PUS7: variants seen among roughly 807,000 people sequenced by gnomAD.
The protein encoded by PUS7 is pseudouridine synthase 7, also known as pseudouridylate synthase 7 homolog.
Under a neutral mutation model 79.8 loss-of-function variants are expected in PUS7, and 48 were observed. That is an observed-to-expected ratio of 0.60 (90% CI 0.48 to 0.76). The LOEUF is 0.76. PUS7 is among the 30% of genes least tolerant of loss of function. The pLI is 0.00. For synonymous variants in PUS7, 286 were observed against 272.2 expected (o/e 1.05, Z -0.50); for missense variants, 729 against 797.6 (o/e 0.91, Z 1.04).
In PUS7 at chr7:105,508,625, C is replaced by G. The variant is rs1429920039; in HGVS notation, c.-32-81G>C. 7.3e-6 allele frequency: 11 copies of G among 1,499,166 alleles called. No individual in the cohort carries two copies. In the Admixed American group the frequency reaches 2.5e-4, roughly 35 times the overall value. The allele number at this position is 1,499,166 out of a possible 1,614,324, so 92.9% of individuals were successfully genotyped here. On this transcript the variant is annotated intron_variant, in intron 1 of 15. Coordinates refer to ENST00000469408, the MANE Select transcript of PUS7 (RefSeq NM_019042.5). ...GGGCGCGGTGGCTCACACCTGTAAT[C>G]CCAGCGTTTTGAGGGAGGTTAAGGC... is the stretch of plus-strand genomic sequence containing the variant.
intron 6 of PUS7, among the ~76,000 whole-genome samples, chr7:105,492,713 T>C (rs1824844902): frequency 6.6e-5 from 10 of 151,616 alleles, no homozygotes; most frequent in Admixed American, 6.6e-4. Context: ...CACCGTTTTT[T>C]AGCCGGGATG....
At chr7:105,510,797 G>A (rs1464051931) in intron 1 of PUS7, among the ~76,000 whole-genome samples, 2 of 152,116 alleles carry the variant, frequency 1.3e-5, no homozygotes, top group Admixed American at 1.3e-4. Context: ...TTTCAGGCAT[G>A]AGCCACCGTG....
intron 9 of PUS7, among the ~76,000 whole-genome samples, chr7:105,474,630 A>AT (rs1160927100): frequency 6.8e-6 from 1 of 145,986 alleles, no homozygotes; most frequent in African/African-American, 2.5e-5. Context: ...AAAAAAAAAA[A>AT]AATAATCGGG....
At position 105,482,552 on chromosome 7, in the gene PUS7, C is replaced by A. The variant is rs1310734951; in HGVS notation, c.921-112G>T. On this transcript the variant is annotated intron_variant, in intron 7 of 15. Transcript: ENST00000469408. ...AAAACAAGATACAGCACACCTATGA[C>A]CCCCTGAAAGGAAAAGGCACTGCAG... 19 of 1,168,214 alleles carry A rather than the reference C, an allele frequency of 1.6e-5. No homozygotes were observed. The Admixed American group carries it at 2.7e-4, about 17-fold the overall frequency. 72.4% of individuals were successfully genotyped at this position (1,168,214 alleles called of 1,614,324 possible). A position where few individuals can be genotyped will look rare whatever the true frequency, so the allele number is the denominator to read the frequency against.
chr7:105,495,208 T>A lies in PUS7; in HGVS notation c.776A>T (p.His259Leu). The change falls in exon 6 of 16, where the codon CAC becomes CTC. Residue 259 changes from histidine (H) to leucine (L), a missense_variant. His to Leu is a moderately conservative substitution (Grantham distance 99). Coordinates refer to ENST00000469408, the MANE Select transcript of PUS7 (RefSeq NM_019042.5). ...SWPKSRGSYC[H>L]FVLYKENKDT... The stretch of plus-strand genomic sequence containing the variant: ...TTTGTTTTCCTTATATAGTACGAAG[T>A]GGCAGTAACTTCCCCTAGATTTTGG... 6.2e-7 allele frequency: 1 copy of A among 1,612,932 alleles called. No homozygotes were observed. The highest frequency in any genetic ancestry group is 8.5e-7 in the Non-Finnish European group (1 of 1,179,322).
At chr7:105,473,813 CA>C (rs948078860) in intron 9 of PUS7, among the ~76,000 whole-genome samples, 12 of 152,290 alleles carry the variant, frequency 7.9e-5, no homozygotes, top group African/African-American at 2.9e-4. Context: ...CTTGGCCTCC[CA>C]AAGTGCAGGG....
intron 5 of PUS7, 78 bp from the exon 6 acceptor site, chr7:105,495,331 C>T (rs1016198432): frequency 2.5e-6 from 2 of 816,040 alleles, no homozygotes; most frequent in Non-Finnish European, 4.1e-6. Flanking sequence ...CGCTATAGAA[C>T]CTTTGAGTGG....
rs985967371 is a variant in PUS7 at position 105,456,833 on chromosome 7, A to G, written c.*957T>C. On this transcript the variant is annotated 3_prime_UTR_variant, in exon 16 of 16. Transcript: ENST00000469408. ...AGAGTTCTGAACATAAAAGGCACCT[A>G]GAGTAAAAATTAGACCTTAACTAAT... 2 of 152,158 alleles carry G rather than the reference A, an allele frequency of 1.3e-5. No individual in the cohort carries two copies. The highest frequency in any genetic ancestry group is 2.9e-5 in the Non-Finnish European group (2 of 68,024). The allele number at this position is 152,158 out of a possible 1,614,324, so 9.4% of individuals were successfully genotyped here.
chr7:105,460,207 G>A (rs1823364226), intron 14 of PUS7, among the ~76,000 whole-genome samples: 1 of 152,058 alleles, frequency 6.6e-6, no homozygotes, highest in Admixed American at 6.5e-5. Flanking sequence ...CAAAGTGCTG[G>A]GATTACAGGC....
rs535849723 is a variant in PUS7 at position 105,500,542 on chromosome 7, A to G, written c.730+1878T>C. On this transcript the variant is annotated intron_variant, in intron 5 of 15. Transcript: ENST00000469408. ...GCTTTTTCCAACCTGCTTCCTCATGACCACACCAAGCAGAGTAAGACCTTG... is the reference window on the plus strand; with the variant it reads ...GCTTTTTCCAACCTGCTTCCTCATGGCCACACCAAGCAGAGTAAGACCTTG... Among the ~76,000 whole-genome samples the G allele has an allele frequency of 3.9e-5, 6 of 152,256 alleles. No individual in the cohort carries two copies. In the South Asian group the frequency reaches 1.2e-3, roughly 32 times the overall value.
Position 105,457,880 on chromosome 7 carries a change from A to G in PUS7, c.1896T>C (p.Ser632=), listed in dbSNP as rs781237567. The G allele has an allele frequency of 1.9e-6, 3 of 1,614,008 alleles. No individual in the cohort carries two copies. Among genetic ancestry groups the G allele is most frequent in the Admixed American group, 3.3e-5 (2 of 59,986 alleles). The change falls in exon 16 of 16, where the codon TCT becomes TCC. Residue 632 remains serine, a synonymous_variant. Transcript: ENST00000469408. ...ALKMDFSLPP[S]TYATMAIREV... is the part of the protein sequence containing the mutation. ...CTCGAATGGCCATGGTGGCGTAAGT[A>G]GAAGGGGGTAGAGAAAAATCCATTT...
intron 4 of PUS7, among the ~76,000 whole-genome samples, chr7:105,504,414 C>T (rs910272648): frequency 6.6e-6 from 1 of 151,974 alleles, no homozygotes; most frequent in Non-Finnish European, 1.5e-5. Context: ...AAAAATCCAC[C>T]AAACTACATT....
chr7:105,500,454 A>C (rs1825201244), intron 5 of PUS7, among the ~76,000 whole-genome samples: 1 of 152,172 alleles, frequency 6.6e-6, no homozygotes. Context: ...CCTCTCACAA[A>C]ACCCGGCATC....
At chr7:105,469,763 T>G (rs1240262812) in intron 11 of PUS7, among the ~76,000 whole-genome samples, 1 of 152,146 alleles carries the variant, frequency 6.6e-6, no homozygotes, top group Non-Finnish European at 1.5e-5. Context: ...CGGGCCTGTT[T>G]TGTATTTTTA....
intron 7 of PUS7, among the ~76,000 whole-genome samples, chr7:105,489,875 G>T (rs570144011): frequency 8.7e-4 from 133 of 152,164 alleles, no homozygotes; most frequent in African/African-American, 3.2e-3. Context: ...TCCCAACACT[G>T]TGGGATGCTG....
At chr7:105,467,495 T>C (rs1437508893) in intron 12 of PUS7, among the ~76,000 whole-genome samples, 1 of 151,598 alleles carries the variant, frequency 6.6e-6, no homozygotes, top group Non-Finnish European at 1.5e-5. Context: ...TTCACCGTGT[T>C]AGCCAGGATG....
At chr7:105,501,979 T>C (rs1377000361) in intron 5 of PUS7, among the ~76,000 whole-genome samples, 1 of 146,118 alleles carries the variant, frequency 6.8e-6, no homozygotes, top group African/African-American at 2.5e-5. Flanking sequence ...AATATATATA[T>C]ATATATATAT....
chr7:105,490,752 T>G (rs1317972919), intron 7 of PUS7, among the ~76,000 whole-genome samples: 1 of 152,184 alleles, frequency 6.6e-6, no homozygotes, highest in African/African-American at 2.4e-5. Context: ...CAATCCTAAA[T>G]CCTACCCAGC....
intron 6 of PUS7, among the ~76,000 whole-genome samples, chr7:105,491,972 G>T (rs1165382882): frequency 6.7e-6 from 1 of 148,316 alleles, no homozygotes; most frequent in Non-Finnish European, 1.5e-5. Context: ...CAGGGGAATT[G>T]CTTGAACTCA....
Sources: gnomAD v4.1 joint callset for allele counts (sites outside exome capture counted in the v4.1 genomes callset) on GRCh38, gnomAD v4.1.1 for gene constraint, MANE v1.5 for transcripts, NCBI Gene and HGNC (gene_info 2026-07-23, HGNC 2026-07-21) for gene names.